The following ASAP1 variants were observed in gnomAD, a reference collection of about 807,000 sequenced individuals.
ASAP1 encodes arf-GAP with SH3 domain, ANK repeat and PH domain-containing protein 1.
Under a neutral mutation model 145.2 loss-of-function variants are expected in ASAP1, and 43 were observed. That is an observed-to-expected ratio of 0.30 (90% confidence interval 0.23 to 0.38). ASAP1 has a LOEUF of 0.38. ASAP1 is among the 10% of genes least tolerant of loss of function. ASAP1 has a pLI of 1.00. For synonymous variants in ASAP1, 546 were observed against 515.5 expected, an observed-to-expected ratio of 1.06 and a Z score of -0.80; for missense variants, 1,018 against 1,355.3, an observed-to-expected ratio of 0.75 and a Z score of 3.91.
chr8:130,193,104 C>T (rs1815251504), intron 5 of ASAP1, among the ~76,000 whole-genome samples: 1 of 152,172 alleles, frequency 6.6e-6, no homozygotes, highest in Non-Finnish European at 1.5e-5. Context: ...AGGCCAGGCT[C>T]ACACCTCCAA....
chr8:130,081,623 A>G lies in ASAP1; in HGVS notation c.2573-1652T>C, dbSNP rs377620406. 3.3e-4 allele frequency among the ~76,000 whole-genome samples: 51 copies of G among 152,296 alleles called. 3 individuals are homozygous for G. The highest frequency in any genetic ancestry group is 3.3e-3 in the East Asian group (17 of 5,184). The stretch of plus-strand genomic sequence containing the variant: ...CTAACTGATCCTCACTACACTGCAC[A>G]TCTGCTCAATAGCACCACCGATTGC... On this transcript the variant is annotated intron_variant, in intron 25 of 29. Coordinates refer to ENST00000518721, the MANE Select transcript of ASAP1 (RefSeq NM_018482.4).
intron 1 of ASAP1, among the ~76,000 whole-genome samples, chr8:130,430,254 C>T (rs560918719): frequency 2.4e-4 from 36 of 152,262 alleles, no homozygotes; most frequent in Non-Finnish European, 4.4e-4. Context: ...GGGCAGTTTG[C>T]TAAGTGGATA....
At chr8:130,075,994 A>AC (rs1388249108) in intron 27 of ASAP1, among the ~76,000 whole-genome samples, 1 of 152,204 alleles carries the variant, frequency 6.6e-6, no homozygotes, top group Non-Finnish European at 1.5e-5. Context: ...TGAAGCTACT[A>AC]CGTCACCTGC....
intron 5 of ASAP1, among the ~76,000 whole-genome samples, chr8:130,194,115 A>C (rs1002399125): frequency 1.3e-5 from 2 of 152,244 alleles, no homozygotes; most frequent in African/African-American, 4.8e-5. Context: ...GAAATCATGA[A>C]CGCAAAACAT....
In ASAP1 at chr8:130,288,083, C is replaced by T. The variant is rs117169547; in HGVS notation, c.187-51089G>A. Among the ~76,000 whole-genome samples, 34 of 152,290 alleles carry T rather than the reference C, an allele frequency of 2.2e-4. No homozygotes were observed. The East Asian group carries it at 6.0e-3, about 27-fold the overall frequency. On this transcript the variant is annotated intron_variant, in intron 3 of 29. Transcript: ENST00000518721. The stretch of plus-strand genomic sequence containing the variant: ...CATCCATGCTGCGTGGAACTCTTCT[C>T]CCCTGGCAGGAGCTCCAGCTACACG...
At chr8:130,263,017 T>C (rs540671969) in intron 3 of ASAP1, among the ~76,000 whole-genome samples, 2 of 152,304 alleles carry the variant, frequency 1.3e-5, no homozygotes, top group African/African-American at 4.8e-5. Context: ...TTGTACAACA[T>C]GGAAACAGAA....
At chr8:130,215,151 C>T (rs779925809) in intron 4 of ASAP1, among the ~76,000 whole-genome samples, 4 of 152,064 alleles carry the variant, frequency 2.6e-5, no homozygotes, top group Admixed American at 6.6e-5. Context: ...CCGCCCACCT[C>T]GGCCTCCAAA....
intron 3 of ASAP1, among the ~76,000 whole-genome samples, chr8:130,289,371 A>G (rs1212094250): frequency 1.3e-5 from 2 of 152,122 alleles, no homozygotes; most frequent in African/African-American, 2.4e-5. Context: ...CCTTCTTCCT[A>G]TGTTTTGTAT....
chr8:130,326,750 T>A (rs999900555), intron 3 of ASAP1, among the ~76,000 whole-genome samples: 3 of 152,244 alleles, frequency 2.0e-5, no homozygotes, highest in Non-Finnish European at 4.4e-5. Context: ...GATTCTTCTA[T>A]GAGAATCCCA....
At chr8:130,226,930 T>C (rs1044416487) in intron 4 of ASAP1, among the ~76,000 whole-genome samples, 1 of 152,134 alleles carries the variant, frequency 6.6e-6, no homozygotes, top group Non-Finnish European at 1.5e-5. Flanking sequence ...ACACAACCAA[T>C]TCCTCCCCTA....
chr8:130,194,675 T>C (rs1036697382), intron 5 of ASAP1, among the ~76,000 whole-genome samples: 3 of 152,176 alleles, frequency 2.0e-5, no homozygotes, highest in African/African-American at 7.2e-5. Flanking sequence ...CACCAGGCAT[T>C]AGATTCTCAT....
chr8:130,309,184 A>C (rs182419271), intron 3 of ASAP1, among the ~76,000 whole-genome samples: 1 of 152,302 alleles, frequency 6.6e-6, no homozygotes, highest in Admixed American at 6.5e-5. Context: ...TAAAAAGCAC[A>C]ATGCTTGCTT....
intron 3 of ASAP1, among the ~76,000 whole-genome samples, chr8:130,238,408 T>A (rs1220968889): frequency 6.6e-6 from 1 of 152,064 alleles, no homozygotes; most frequent in Non-Finnish European, 1.5e-5. Context: ...AGTTTTTGCT[T>A]CCAGCTGTTC....
At chr8:130,149,445 C>T (rs78677132) in intron 13 of ASAP1, among the ~76,000 whole-genome samples, 2,654 of 152,062 alleles carry the variant, frequency 0.017, 35 homozygotes, top group East Asian at 0.053. Flanking sequence ...CAGGTGTACA[C>T]AGAAATGTAT....
chr8:130,097,126 CAAAAAAAAAAAAAAAAAAAAA>C lies in ASAP1; in HGVS notation c.2402-5004_2402-4984del, dbSNP rs61591724. 1.6e-3 allele frequency among the ~76,000 whole-genome samples: 87 copies of C among 53,590 alleles called. 1 individual carries two copies. Among genetic ancestry groups the C allele is most frequent in the Admixed American group, 7.6e-3 (23 of 3,034 alleles). The allele number at this position is 53,590 out of a possible 152,430, so 35.2% of individuals were successfully genotyped here. On this transcript the variant is annotated intron_variant, in intron 24 of 29. Coordinates refer to ENST00000518721, the MANE Select transcript of ASAP1 (RefSeq NM_018482.4). ...AGGAGACAGAGTGACAGTTAGTCTCCAAAAAAAAAAAAAAAAAAAAAAAAAAAAAAAAAAAGTCCTTGAAAA... is the reference window on the plus strand; with the variant it reads ...AGGAGACAGAGTGACAGTTAGTCTCCAAAAAAAAAAAAAAGTCCTTGAAAA...
chr8:130,171,370 T>C (rs527496226), intron 9 of ASAP1, among the ~76,000 whole-genome samples: 59 of 152,262 alleles, frequency 3.9e-4, no homozygotes, highest in Middle Eastern at 3.4e-3. Flanking sequence ...CAGTTCCACA[T>C]GGCTAGGGAG....
intron 1 of ASAP1, among the ~76,000 whole-genome samples, chr8:130,406,034 T>C (rs1586987036): frequency 6.6e-6 from 1 of 152,326 alleles, no homozygotes; most frequent in East Asian, 1.9e-4. Context: ...TGAAGATAAA[T>C]ACTGTTCCTA....
intron 3 of ASAP1, among the ~76,000 whole-genome samples, chr8:130,355,788 A>T (rs1826270002): frequency 6.6e-6 from 1 of 152,232 alleles, no homozygotes; most frequent in Admixed American, 6.5e-5. Context: ...CCTAAAGCAT[A>T]CTTTTCACAT....
At chr8:130,260,537 A>G (rs1468870238) in intron 3 of ASAP1, among the ~76,000 whole-genome samples, 4 of 152,188 alleles carry the variant, frequency 2.6e-5, no homozygotes, top group Non-Finnish European at 5.9e-5. Flanking sequence ...AAGTTCACAT[A>G]ACTTGGACGG....
Sources: gnomAD v4.1 joint callset for allele counts (sites outside exome capture counted in the v4.1 genomes callset) on GRCh38, gnomAD v4.1.1 for gene constraint, MANE v1.5 for transcripts, NCBI Gene and HGNC (gene_info 2026-07-23, HGNC 2026-07-21) for gene names.